The following SESN3 variants were observed in gnomAD, a reference collection of about 807,000 sequenced individuals.
SESN3 encodes sestrin 3, also known as sestrin-3.
Under a neutral mutation model 55.3 loss-of-function variants are expected in SESN3, and 21 were observed. The ratio of observed to expected loss-of-function variants is 0.38; its 90% CI spans 0.27 to 0.55. SESN3 has a LOEUF of 0.55. Among genes scored for constraint, SESN3 ranks in the 20% least tolerant of loss-of-function variants. The pLI is 0.76. For missense variants in SESN3, 408 were observed against 604.3 expected, an observed-to-expected ratio of 0.68 and a Z score of 3.41; for synonymous variants, 181 against 203.1, an observed-to-expected ratio of 0.89 and a Z score of 0.93.
At chr11:95,231,283 T>A (rs1385840023), upstream of SESN3, 14 of 391,386 alleles carry the variant, frequency 3.6e-5, no homozygotes, top group Non-Finnish European at 5.4e-5. Context: ...CAGCTCCGGC[T>A]ACGCCCCCAG....
intron 4 of SESN3, among the ~76,000 whole-genome samples, chr11:95,189,324 C>CT (rs549392571): frequency 6.6e-6 from 1 of 151,924 alleles, no homozygotes; most frequent in African/African-American, 2.4e-5. Context: ...TGGCAAATCA[C>CT]TTTTTTATTT....
At chr11:95,207,646 A>T (rs1860574039) in intron 1 of SESN3, among the ~76,000 whole-genome samples, 1 of 151,552 alleles carries the variant, frequency 6.6e-6, no homozygotes, top group Non-Finnish European at 1.5e-5. Flanking sequence ...ATTTTACTTA[A>T]CCTATTAATA....
At chr11:95,185,516 G>T in intron 4 of SESN3, 24 bp from the exon 5 acceptor site, 1 of 1,456,092 alleles carries the variant, frequency 6.9e-7, no homozygotes, top group Non-Finnish European at 9.6e-7. Flanking sequence ...GCAAATCAGA[G>T]CAAATATAAA....
At chr11:95,195,165 C>A (rs1249483272) in intron 1 of SESN3, among the ~76,000 whole-genome samples, 1 of 151,796 alleles carries the variant, frequency 6.6e-6, no homozygotes, top group Non-Finnish European at 1.5e-5. Context: ...TTAAGATGGA[C>A]AATGGGATTT....
intron 5 of SESN3, 48 bp downstream of exon 5, chr11:95,185,208 A>G: frequency 9.5e-7 from 1 of 1,052,004 alleles, no homozygotes; most frequent in East Asian, 2.4e-5. Flanking sequence ...TTTTAATATT[A>G]GAAGTTTAAA....
chr11:95,167,419 T>G lies in SESN3; in HGVS notation c.*5836A>C, dbSNP rs1455866313. 2 of 152,000 alleles carry G rather than the reference T, an allele frequency of 1.3e-5. No individual in the cohort carries two copies. Among genetic ancestry groups the G allele is most frequent in the Non-Finnish European group, 2.9e-5 (2 of 68,026 alleles). 9.4% of individuals were successfully genotyped at this position (152,000 alleles called of 1,614,324 possible). On this transcript the variant is annotated 3_prime_UTR_variant, in exon 10 of 10. Transcript: ENST00000536441. The stretch of plus-strand genomic sequence containing the variant: ...CTATTTTGTGGTATGCCCTGCACGA[T>G]CTCAAAGATTTCCACAAGCATTCAA...
chr11:95,187,692 T>C lies in SESN3; in HGVS notation c.525+2087A>G, dbSNP rs146221269. ...TTCCATCCACAATCTTCCTTCCTTG[T>C]ACAGTATCTCCTTGGATGGGCCATT... On this transcript the variant is annotated intron_variant, in intron 4 of 9. Transcript: ENST00000536441. 6.2e-3 allele frequency among the ~76,000 whole-genome samples: 938 copies of C among 152,018 alleles called. 3 individuals are homozygous for C. The highest frequency in any genetic ancestry group is 0.024 in the Middle Eastern group (7 of 294).
chr11:95,204,269 T>C (rs1000455250), intron 1 of SESN3, among the ~76,000 whole-genome samples: 1 of 152,154 alleles, frequency 6.6e-6, no homozygotes, highest in African/African-American at 2.4e-5. Context: ...TATAATTTTT[T>C]AAGTGACTAG....
chr11:95,227,513 G>C (rs192740456), intron 1 of SESN3, among the ~76,000 whole-genome samples: 3 of 152,094 alleles, frequency 2.0e-5, no homozygotes, highest in South Asian at 2.1e-4. Flanking sequence ...CCTCAATCTA[G>C]TATTTTTCAT....
chr11:95,173,455 A>G, intron 9 of SESN3, 114 bp from the exon 10 acceptor site: 1 of 496,198 alleles, frequency 2.0e-6, no homozygotes, highest in East Asian at 2.9e-5. Context: ...ACACACACAC[A>G]CCTAGGCATA....
chr11:95,231,729 A>G (rs531878113), upstream of SESN3: 1 of 152,348 alleles, frequency 6.6e-6, no homozygotes, highest in African/African-American at 2.4e-5. Flanking sequence ...CTCCACCAAA[A>G]TCTAACTTTA....
At chr11:95,217,070 C>A (rs1202499998) in intron 1 of SESN3, among the ~76,000 whole-genome samples, 1 of 149,824 alleles carries the variant, frequency 6.7e-6, no homozygotes, top group Non-Finnish European at 1.5e-5. Context: ...CATGTCACTG[C>A]ACTCCAGCCT....
At chr11:95,202,259 A>G (rs1453411061) in intron 1 of SESN3, among the ~76,000 whole-genome samples, 1 of 151,980 alleles carries the variant, frequency 6.6e-6, no homozygotes, top group Non-Finnish European at 1.5e-5. Context: ...ATATTTTTTG[A>G]ATTGAATTAA....
At chr11:95,202,064 T>C (rs1165826257) in intron 1 of SESN3, among the ~76,000 whole-genome samples, 4 of 152,062 alleles carry the variant, frequency 2.6e-5, no homozygotes, top group Non-Finnish European at 4.4e-5. Flanking sequence ...CAAGGTTTCC[T>C]ATGAAAGCTT....
chr11:95,219,757 A>T (rs79228656), intron 1 of SESN3, among the ~76,000 whole-genome samples: 30 of 150,254 alleles, frequency 2.0e-4, no homozygotes, highest in South Asian at 4.2e-4. Flanking sequence ...ATTGAAAAAT[A>T]TTTTTTTTTT....
At chr11:95,191,752 TAAAA>T (rs1443403251) in intron 2 of SESN3, 151 bp from the exon 3 acceptor site, 2 of 627,556 alleles carry the variant, frequency 3.2e-6, no homozygotes, top group Non-Finnish European at 5.5e-6. Flanking sequence ...GAAACAGAAA[TAAAA>T]AAAGAAAGCA....
At position 95,173,437 on chromosome 11, in the gene SESN3, A is replaced by G; in HGVS notation, c.1393-96T>C. On this transcript the variant is annotated intron_variant, in intron 9 of 9. Coordinates refer to ENST00000536441, the MANE Select transcript of SESN3 (RefSeq NM_144665.4). ...AGGTTTTTTTATGTGTATATAAGCA[A>G]TATACACACACACACACACCTAGGC... is the stretch of plus-strand genomic sequence containing the variant. The G allele has an allele frequency of 3.3e-6, 2 of 614,722 alleles. 1 individual carries two copies. The highest frequency in any genetic ancestry group is 4.2e-5 in the South Asian group (2 of 47,678). 38.1% of individuals were successfully genotyped at this position (614,722 alleles called of 1,614,324 possible).
chr11:95,226,878 C>A lies in SESN3; in HGVS notation c.78+3905G>T, dbSNP rs551482792. Among the ~76,000 whole-genome samples, 33 of 152,272 alleles carry A rather than the reference C, an allele frequency of 2.2e-4. 1 individual carries two copies. Among genetic ancestry groups the A allele is most frequent in the South Asian group, 1.5e-3 (7 of 4,826 alleles). ...ACTTAAAAATTTAATGCAACTCAAG[C>A]ATTTTAAAACCCCAAAGAATCTTAA... On this transcript the variant is annotated intron_variant, in intron 1 of 9. Transcript: ENST00000536441.
At chr11:95,213,774 A>G (rs910478618) in intron 1 of SESN3, among the ~76,000 whole-genome samples, 4 of 152,230 alleles carry the variant, frequency 2.6e-5, no homozygotes, top group African/African-American at 4.8e-5. Context: ...AATTACAACC[A>G]GAGCTAGGCA....
Sources: gnomAD v4.1 joint callset for allele counts (sites outside exome capture counted in the v4.1 genomes callset) on GRCh38, gnomAD v4.1.1 for gene constraint, MANE v1.5 for transcripts, NCBI Gene and HGNC (gene_info 2026-07-23, HGNC 2026-07-21) for gene names.